Variants in VAT1L observed in about 807,000 individuals in gnomAD.
VAT1L encodes vesicle amine transport 1 like, also known as putative NADPH-dependent quinone oxidoreductase VAT1L.
VAT1L carries 34 observed loss-of-function variants against 44.1 expected under a neutral mutation model. The observed-to-expected ratio is 0.77, with a 90% CI of 0.59 to 1.03. The LOEUF (loss-of-function observed/expected upper bound fraction) is 1.03. VAT1L is among the 50% of genes least tolerant of loss of function. The probability of loss-of-function intolerance (pLI) is 0.00; values close to 1 mark genes in which losing one functional copy is unlikely to be tolerated. For missense variants in VAT1L, 615 were observed against 538.8 expected (o/e 1.14, Z -1.40); for synonymous variants, 253 against 202.2 (o/e 1.25, Z -2.13).
At chr16:77,941,562 G>C (rs1361537595) in intron 7 of VAT1L, among the ~76,000 whole-genome samples, 1 of 152,166 alleles carries the variant, frequency 6.6e-6, no homozygotes, top group Non-Finnish European at 1.5e-5. Context: ...TCAAATGGTA[G>C]TTCTGTTTTT....
Position 77,973,419 on chromosome 16 carries a change from G to C in VAT1L, c.1161+1486G>C, listed in dbSNP as rs138018315. 5.4e-4 allele frequency among the ~76,000 whole-genome samples: 82 copies of C among 152,052 alleles called. 1 individual carries two copies. The highest frequency in any genetic ancestry group is 6.0e-4 in the Non-Finnish European group (41 of 68,000). On this transcript the variant is annotated intron_variant, in intron 8 of 8. Coordinates refer to ENST00000302536, the MANE Select transcript of VAT1L (RefSeq NM_020927.3). ...CCTGCCTCAGCCTCCTGAGTAGCTG[G>C]CATTACAGGGGCCCACCACCACACC... is the stretch of plus-strand genomic sequence containing the variant.
intron 7 of VAT1L, among the ~76,000 whole-genome samples, chr16:77,910,809 T>C (rs1036102176): frequency 6.6e-6 from 1 of 152,164 alleles, no homozygotes; most frequent in Non-Finnish European, 1.5e-5. Context: ...CTCAAAACTG[T>C]CAGTGCATCA....
intron 1 of VAT1L, among the ~76,000 whole-genome samples, chr16:77,815,359 T>C (rs1287090455): frequency 6.6e-6 from 1 of 152,210 alleles, no homozygotes; most frequent in African/African-American, 2.4e-5. Flanking sequence ...GAGTCCCTGC[T>C]ATATTACTTT....
rs2018374968 is a variant in VAT1L, at chr16:77,979,362, G to A, written c.*1667G>A. The A allele has an allele frequency of 6.6e-6, 1 of 152,128 alleles. No homozygotes were observed. The highest frequency in any genetic ancestry group is 1.9e-4 in the East Asian group (1 of 5,182). 9.4% of individuals were successfully genotyped at this position (152,128 alleles called of 1,614,324 possible). On this transcript the variant is annotated 3_prime_UTR_variant, in exon 9 of 9. Coordinates refer to ENST00000302536, the MANE Select transcript of VAT1L (RefSeq NM_020927.3). ...AGCATCATCTTTTCTTCGTACTCCA[G>A]GACCCACCAATATTCCAGTTCTGGG...
At chr16:77,910,625 G>C (rs2017489552) in intron 7 of VAT1L, among the ~76,000 whole-genome samples, 1 of 136,274 alleles carries the variant, frequency 7.3e-6, no homozygotes, top group Non-Finnish European at 1.5e-5. Flanking sequence ...ATTGAGCCGA[G>C]ATCGCTCCAC....
rs535116525 is a variant in VAT1L at position 77,860,841 on chromosome 16, A to G, written c.580-1907A>G. Among the ~76,000 whole-genome samples, 224 of 152,338 alleles carry G rather than the reference A, an allele frequency of 1.5e-3. 1 individual carries two copies. Among genetic ancestry groups the G allele is most frequent in the Non-Finnish European group, 2.8e-3 (190 of 68,022 alleles). ...CCATATTCTGAAATGTTGACCTCCA[A>G]GGGAGTGTGCCAGCAACATGTCTAT... On this transcript the variant is annotated intron_variant, in intron 3 of 8. Coordinates refer to ENST00000302536, the MANE Select transcript of VAT1L (RefSeq NM_020927.3).
intron 3 of VAT1L, among the ~76,000 whole-genome samples, chr16:77,852,552 T>A (rs1158287713): frequency 6.6e-6 from 1 of 152,232 alleles, no homozygotes; most frequent in Non-Finnish European, 1.5e-5. Flanking sequence ...TTAGACTTTC[T>A]GAGCCTCAGT....
chr16:77,792,860 A>G (rs2015858936), intron 1 of VAT1L, among the ~76,000 whole-genome samples: 1 of 152,200 alleles, frequency 6.6e-6, no homozygotes, highest in African/African-American at 2.4e-5. Flanking sequence ...TAGTATTGTA[A>G]TGAAGCTTAA....
chr16:77,940,655 C>T (rs181289020), intron 7 of VAT1L, among the ~76,000 whole-genome samples: 2 of 152,230 alleles, frequency 1.3e-5, no homozygotes, highest in African/African-American at 4.8e-5. Flanking sequence ...ACACCACTGT[C>T]TTTAGCTCAA....
At position 77,914,176 on chromosome 16, in the gene VAT1L, G is replaced by A. The variant is rs1462880665; in HGVS notation, c.1077+29374G>A. 6.6e-5 allele frequency among the ~76,000 whole-genome samples: 10 copies of A among 152,276 alleles called. No individual in the cohort carries two copies. The East Asian group carries it at 1.9e-3, about 29-fold the overall frequency. On this transcript the variant is annotated intron_variant, in intron 7 of 8. Coordinates refer to ENST00000302536, the MANE Select transcript of VAT1L (RefSeq NM_020927.3). Reference sequence around the variant, plus strand: ...TGTTAAATAATCAGGAATTTTGTGAGCCAGTCATTCAACAAAACTATTATA... The same window carrying A: ...TGTTAAATAATCAGGAATTTTGTGAACCAGTCATTCAACAAAACTATTATA...
rs751431375 is a variant in VAT1L at position 77,879,122 on chromosome 16, T to A, written c.827-47T>A. 2 of 1,593,544 alleles carry A rather than the reference T, an allele frequency of 1.3e-6. No individual in the cohort carries two copies. Among genetic ancestry groups the A allele is most frequent in the African/African-American group, 1.3e-5 (1 of 74,466 alleles). On this transcript the variant is annotated intron_variant, in intron 5 of 8. Transcript: ENST00000302536. The surrounding 1 kb of genome is among the most constrained non-coding windows in gnomAD (Gnocchi z 4.1). ...TTTTTTTCATGCATAACAAGAGATG[T>A]CCATTTTCATTAGCAATTGCTTAAT...
At position 77,844,556 on chromosome 16, in the gene VAT1L, C is replaced by T. The variant is rs576794268; in HGVS notation, c.580-18192C>T. Among the ~76,000 whole-genome samples, 3 of 152,174 alleles carry T rather than the reference C, an allele frequency of 2.0e-5. No homozygotes were observed. The East Asian group carries it at 5.8e-4, about 29-fold the overall frequency. The stretch of plus-strand genomic sequence containing the variant: ...CCCAAGTAGGTGGGACTACAGGTGC[C>T]CACCACCACGCCTGGCTACTTTTTG... On this transcript the variant is annotated intron_variant, in intron 3 of 8. Coordinates refer to ENST00000302536, the MANE Select transcript of VAT1L (RefSeq NM_020927.3).
chr16:77,798,781 C>T (rs1006415058), intron 1 of VAT1L, among the ~76,000 whole-genome samples: 11 of 152,244 alleles, frequency 7.2e-5, no homozygotes, highest in East Asian at 3.9e-4. Context: ...AAGGGACAAG[C>T]GAGGAAATGG....
intron 1 of VAT1L, among the ~76,000 whole-genome samples, chr16:77,812,113 G>A (rs181816007): frequency 6.1e-4 from 88 of 144,366 alleles, no homozygotes; most frequent in African/African-American, 2.1e-3. Flanking sequence ...ACAGAGTCTC[G>A]CTCTGCCACC....
intron 3 of VAT1L, among the ~76,000 whole-genome samples, chr16:77,831,800 T>C (rs1245034212): frequency 4.7e-5 from 7 of 149,498 alleles, no homozygotes; most frequent in Non-Finnish European, 1.0e-4. Context: ...TTGTTTTGTG[T>C]TTTTTGTTTG....
At chr16:77,833,902 G>A (rs2016610304) in intron 3 of VAT1L, among the ~76,000 whole-genome samples, 1 of 152,134 alleles carries the variant, frequency 6.6e-6, no homozygotes, top group South Asian at 2.1e-4. Context: ...CGGACAGGAG[G>A]GCGTTTCTTA....
rs189075702 is a variant in VAT1L, at chr16:77,883,174, G to A, written c.883-1434G>A. Among the ~76,000 whole-genome samples, 7 of 152,152 alleles carry A rather than the reference G, an allele frequency of 4.6e-5. No individual in the cohort carries two copies. The East Asian group carries it at 1.4e-3, about 29-fold the overall frequency. On this transcript the variant is annotated intron_variant, in intron 6 of 8. Coordinates refer to ENST00000302536, the MANE Select transcript of VAT1L (RefSeq NM_020927.3). ...AAATGAGCTCAATGATAACATAAAG[G>A]CTATCAATGTTTCTAAATGCCCATC...
intron 7 of VAT1L, among the ~76,000 whole-genome samples, chr16:77,926,114 A>T (rs568998170): frequency 1.3e-5 from 2 of 149,500 alleles, no homozygotes; most frequent in African/African-American, 4.9e-5. Context: ...TTAGCCAGGC[A>T]TGGTGGCGGG....
chr16:77,955,408 G>C (rs1156917156), intron 7 of VAT1L, among the ~76,000 whole-genome samples: 1 of 152,140 alleles, frequency 6.6e-6, no homozygotes, highest in African/African-American at 2.4e-5. Flanking sequence ...AATGCCAATA[G>C]CTACTAGATT....
Sources: gnomAD v4.1 joint callset for allele counts (sites outside exome capture counted in the v4.1 genomes callset) on GRCh38, gnomAD v4.1.1 for gene constraint, Gnocchi (gnomAD v3.1) non-coding constraint, MANE v1.5 for transcripts, NCBI Gene and HGNC (gene_info 2026-07-23, HGNC 2026-07-21) for gene names.